Variants in ADAMTS2 observed in about 807,000 individuals in gnomAD.
ADAMTS2 encodes ADAM metallopeptidase with thrombospondin type 1 motif 2.
A neutral mutation model predicts 123.0 loss-of-function variants in ADAMTS2; 50 were observed. The ratio of observed to expected loss-of-function variants is 0.41; its 90% CI spans 0.32 to 0.51. The LOEUF is 0.51. ADAMTS2 is among the 20% of genes least tolerant of loss of function. The pLI is 0.35. For missense variants in ADAMTS2, 1,494 were observed against 1,705.2 expected, an observed-to-expected ratio of 0.88 and a Z score of 2.18; for synonymous variants, 678 against 695.4, an observed-to-expected ratio of 0.98 and a Z score of 0.39.
chr5:179,273,388 G>A (rs1176862145), intron 2 of ADAMTS2, among the ~76,000 whole-genome samples: 5 of 152,168 alleles, frequency 3.3e-5, no homozygotes, highest in Non-Finnish European at 7.3e-5. Context: ...TTCAAGGGCA[G>A]CTGTGGGCCT....
intron 2 of ADAMTS2, among the ~76,000 whole-genome samples, chr5:179,302,813 G>A (rs1756568554): frequency 6.6e-6 from 1 of 152,184 alleles, no homozygotes; most frequent in Middle Eastern, 3.4e-3. Flanking sequence ...ATCTGGGGAA[G>A]TGGGCTCCAG....
chr5:179,157,683 T>C (rs1482043105), intron 6 of ADAMTS2, among the ~76,000 whole-genome samples: 3 of 152,010 alleles, frequency 2.0e-5, no homozygotes, highest in African/African-American at 4.8e-5. Context: ...ATTGTTTTAA[T>C]TGCATTTTTC....
rs538775860 is a variant in ADAMTS2 at position 179,140,791 on chromosome 5, T to G, written c.1630-756A>C. 6.4e-5 allele frequency among the ~76,000 whole-genome samples: 9 copies of G among 139,924 alleles called. No individual in the cohort carries two copies. In the South Asian group the frequency reaches 2.0e-3, roughly 31 times the overall value. 91.8% of individuals were successfully genotyped at this position (139,924 alleles called of 152,430 possible). On this transcript the variant is annotated intron_variant, in intron 10 of 21. Transcript: ENST00000251582. ...ACAGAACTTTTCCTTCAGTTCCGACTGCATGCTCTTTTTTTTTTTTTTTTT... is the reference window on the plus strand; with the variant it reads ...ACAGAACTTTTCCTTCAGTTCCGACGGCATGCTCTTTTTTTTTTTTTTTTT...
chr5:179,250,691 G>A (rs1327513175), intron 3 of ADAMTS2, among the ~76,000 whole-genome samples: 2 of 152,212 alleles, frequency 1.3e-5, no homozygotes, highest in Non-Finnish European at 2.9e-5. Context: ...GTTGTGTAGC[G>A]CAAGGCCCTG....
intron 3 of ADAMTS2, among the ~76,000 whole-genome samples, chr5:179,245,776 AAAAAAAAAAAAAAAAAAAAC>A (rs1765778049): frequency 4.0e-5 from 5 of 125,680 alleles, no homozygotes; most frequent in African/African-American, 1.2e-4. Context: ...AAAAAAAAAA[AAAAAAAAAAAAAAAAAAAAC>A]AAAAAAAACA....
At chr5:179,319,623 G>A (rs764967319) in intron 2 of ADAMTS2, among the ~76,000 whole-genome samples, 1 of 151,998 alleles carries the variant, frequency 6.6e-6, no homozygotes, top group African/African-American at 2.4e-5. Flanking sequence ...ACCTGAGAAG[G>A]TGTTTATTTG....
At position 179,260,330 on chromosome 5, in the gene ADAMTS2, G is replaced by T. The variant is rs114810759; in HGVS notation, c.688+12581C>A. ...TTTCACGGATATTTACGCACCAACC[G>T]TGTGCCAGGCATTCCTCAAAATGCT... On this transcript the variant is annotated intron_variant, in intron 3 of 21. Coordinates refer to ENST00000251582, the MANE Select transcript of ADAMTS2 (RefSeq NM_014244.5). The surrounding 1 kb of genome is among the most constrained non-coding windows in gnomAD (Gnocchi z 4.2). Among the ~76,000 whole-genome samples the T allele has an allele frequency of 2.1e-3, 319 of 152,314 alleles. 1 individual carries two copies. The highest frequency in any genetic ancestry group is 7.5e-3 in the African/African-American group (310 of 41,572).
chr5:179,204,908 T>C (rs1403204328), intron 4 of ADAMTS2, among the ~76,000 whole-genome samples: 2 of 152,220 alleles, frequency 1.3e-5, no homozygotes, highest in African/African-American at 2.4e-5. Flanking sequence ...GTTTGCTGAA[T>C]GAATCAGTGC....
intron 9 of ADAMTS2, among the ~76,000 whole-genome samples, chr5:179,152,616 C>T (rs1301580441): frequency 3.3e-5 from 5 of 152,218 alleles, no homozygotes; most frequent in African/African-American, 1.2e-4. Flanking sequence ...CCCACCCCCA[C>T]AGGCCTGCCC....
intron 2 of ADAMTS2, among the ~76,000 whole-genome samples, chr5:179,309,141 T>A (rs1756754648): frequency 6.6e-6 from 1 of 152,188 alleles, no homozygotes; most frequent in Admixed American, 6.5e-5. Flanking sequence ...CCAATTCAGT[T>A]GAAAACTCTG....
rs527519147 is a variant in ADAMTS2, at chr5:179,256,873, G to A, written c.688+16038C>T. Among the ~76,000 whole-genome samples, 20 of 152,386 alleles carry A rather than the reference G, an allele frequency of 1.3e-4. No homozygotes were observed. Among genetic ancestry groups the A allele is most frequent in the Middle Eastern group, 3.4e-3 (1 of 294 alleles). On this transcript the variant is annotated intron_variant, in intron 3 of 21. Transcript: ENST00000251582. The surrounding 1 kb of genome is among the most constrained non-coding windows in gnomAD (Gnocchi z 4.1). ...ATAAAACATTGCGGGGTGGGGCGGC[G>A]AGGCCGCCCAAGAGCTGCAGGGCTG...
rs922522554 is a variant in ADAMTS2 at position 179,308,464 on chromosome 5, G to C, written c.534+35303C>G. Among the ~76,000 whole-genome samples the C allele has an allele frequency of 2.3e-4, 35 of 152,182 alleles. No homozygotes were observed. The highest frequency in any genetic ancestry group is 8.0e-4 in the African/African-American group (33 of 41,444). On this transcript the variant is annotated intron_variant, in intron 2 of 21. Transcript: ENST00000251582. This position sits in a 1 kb window ranked among gnomAD's most constrained non-coding sequence, Gnocchi z 6.6. ...AGGACAGGAACGGGCAGCCGCCACT[G>C]TTCACGAGCAAGGGTGCAGGGGCAC... is the stretch of plus-strand genomic sequence containing the variant.
intron 3 of ADAMTS2, among the ~76,000 whole-genome samples, chr5:179,219,575 C>G (rs1765078275): frequency 6.6e-6 from 1 of 152,208 alleles, no homozygotes; most frequent in Admixed American, 6.5e-5. Context: ...GGGCCAGGCT[C>G]TGGTCCGGCT....
intron 3 of ADAMTS2, among the ~76,000 whole-genome samples, chr5:179,269,753 G>A (rs931648823): frequency 6.6e-5 from 10 of 152,316 alleles, no homozygotes; most frequent in African/African-American, 1.4e-4. Flanking sequence ...ATGCCACAGG[G>A]TGCCCTGTCC....
chr5:179,239,223 G>C (rs1377980757), intron 3 of ADAMTS2, among the ~76,000 whole-genome samples: 1 of 152,168 alleles, frequency 6.6e-6, no homozygotes, highest in Non-Finnish European at 1.5e-5. Context: ...AAGGCTTGAC[G>C]CAAGTGACAA....
intron 2 of ADAMTS2, among the ~76,000 whole-genome samples, chr5:179,292,826 G>GTCCT (rs1756225890): frequency 6.6e-6 from 1 of 152,190 alleles, no homozygotes; most frequent in Non-Finnish European, 1.5e-5. Context: ...GCTTCCTGAG[G>GTCCT]TCCTGGCTGG....
chr5:179,241,591 T>C (rs1260840224), intron 3 of ADAMTS2, among the ~76,000 whole-genome samples: 1 of 152,244 alleles, frequency 6.6e-6, no homozygotes, highest in East Asian at 1.9e-4. Flanking sequence ...TTCAGTGTAT[T>C]AAAATCAAAA....
At chr5:179,134,675 C>T (rs1020340737) in intron 13 of ADAMTS2, among the ~76,000 whole-genome samples, 23 of 151,812 alleles carry the variant, frequency 1.5e-4, no homozygotes, top group Admixed American at 5.2e-4. Flanking sequence ...GCCTCCCGGC[C>T]CTGCCGAAGT....
In ADAMTS2 at chr5:179,202,990, G is replaced by C. The variant is rs1214252878; in HGVS notation, c.891+4523C>G. Among the ~76,000 whole-genome samples, 1 of 152,206 alleles carries C rather than the reference G, an allele frequency of 6.6e-6. No individual in the cohort carries two copies. Among genetic ancestry groups the C allele is most frequent in the Non-Finnish European group, 1.5e-5 (1 of 68,036 alleles). On this transcript the variant is annotated intron_variant, in intron 4 of 21. Coordinates refer to ENST00000251582, the MANE Select transcript of ADAMTS2 (RefSeq NM_014244.5). This position sits in a 1 kb window ranked among gnomAD's most constrained non-coding sequence, Gnocchi z 4.0. ...CAGGGGTGATCGATGAGGCTGAACT[G>C]CCTGTGCCACCCCTGGACCCCATAT... is the stretch of plus-strand genomic sequence containing the variant.
Sources: gnomAD v4.1 joint callset for allele counts (sites outside exome capture counted in the v4.1 genomes callset) on GRCh38, gnomAD v4.1.1 for gene constraint, Gnocchi (gnomAD v3.1) non-coding constraint, MANE v1.5 for transcripts, NCBI Gene and HGNC (gene_info 2026-07-23, HGNC 2026-07-21) for gene names.